FRMD5: variants seen among roughly 807,000 people sequenced by gnomAD.
FRMD5 encodes the protein FERM domain containing 5, also known as FERM domain-containing protein 5.
In FRMD5, 20 loss-of-function variants were observed where a neutral mutation model predicts 69.0. The observed-to-expected ratio is 0.29, with a 90% confidence interval of 0.20 to 0.42. The LOEUF (loss-of-function observed/expected upper bound fraction) is 0.42. FRMD5 is among the 10% of genes least tolerant of loss of function. The pLI, the probability that FRMD5 is intolerant of heterozygous loss-of-function variation, is 1.00. For synonymous variants in FRMD5, 271 were observed against 260.1 expected, an observed-to-expected ratio of 1.04 and a Z score of -0.40; for missense variants, 595 against 708.6, an observed-to-expected ratio of 0.84 and a Z score of 1.82.
chr15:43,997,035 A>T (rs1889965082), intron 1 of FRMD5, among the ~76,000 whole-genome samples: 1 of 152,180 alleles, frequency 6.6e-6, no homozygotes, highest in Non-Finnish European at 1.5e-5. Context: ...AGAATGTACA[A>T]ACACAAATAT....
chr15:44,017,009 ATCTGCCCACCTCAGCC>A (rs1422668806), intron 1 of FRMD5, among the ~76,000 whole-genome samples: 1 of 152,018 alleles, frequency 6.6e-6, no homozygotes, highest in East Asian at 2.0e-4. Context: ...GGCTCAAGTG[ATCTGCCCACCTCAGCC>A]TCCCAAAGTG....
chr15:44,047,025 G>A (rs933668633), intron 1 of FRMD5, among the ~76,000 whole-genome samples: 3 of 152,170 alleles, frequency 2.0e-5, no homozygotes, highest in Non-Finnish European at 4.4e-5. Flanking sequence ...AAAAAACTAA[G>A]GCCAGGCGCA....
chr15:44,138,134 G>A (rs1820485), intron 1 of FRMD5, among the ~76,000 whole-genome samples: 124,638 of 152,096 alleles, frequency 0.82, 53,596 homozygotes, highest in Non-Finnish European at 0.94. Flanking sequence ...AAGCTTTCAA[G>A]CCAAAATTCC....
intron 13 of FRMD5, among the ~76,000 whole-genome samples, chr15:43,876,541 A>G (rs2088361916): frequency 6.6e-6 from 1 of 152,198 alleles, no homozygotes; most frequent in South Asian, 2.1e-4. Flanking sequence ...AGAGGTAGGA[A>G]TGGGGAGAAG....
chr15:44,084,520 T>A (rs1288905928), intron 1 of FRMD5, among the ~76,000 whole-genome samples: 1 of 152,120 alleles, frequency 6.6e-6, no homozygotes, highest in Non-Finnish European at 1.5e-5. Flanking sequence ...CAGATATAAA[T>A]GTTGATATAA....
At chr15:43,882,211 C>T (rs2088547275) in intron 13 of FRMD5, among the ~76,000 whole-genome samples, 1 of 152,180 alleles carries the variant, frequency 6.6e-6, no homozygotes, top group Admixed American at 6.5e-5. Flanking sequence ...TTGGCCTCAG[C>T]TATTGGGGTA....
intron 1 of FRMD5, among the ~76,000 whole-genome samples, chr15:43,937,535 G>A (rs2089781737): frequency 6.6e-6 from 1 of 151,946 alleles, no homozygotes; most frequent in African/African-American, 2.4e-5. Flanking sequence ...CTACTAGGGA[G>A]GCTGAGGCAG....
rs946859186 is a variant in FRMD5, at chr15:44,162,059, G to A, written c.102+32894C>T. On this transcript the variant is annotated intron_variant, in intron 1 of 13. Coordinates refer to ENST00000417257, the MANE Select transcript of FRMD5 (RefSeq NM_032892.5). The stretch of plus-strand genomic sequence containing the variant: ...GGCTCACTGCAACCTCCACTTCCCA[G>A]GTTCAAGCGATTCTCCTGCCTCAGC... 2.0e-5 allele frequency among the ~76,000 whole-genome samples: 3 copies of A among 152,082 alleles called. 1 individual carries two copies. In the South Asian group the frequency reaches 6.2e-4, roughly 32 times the overall value.
At chr15:44,055,741 C>A (rs1436497045) in intron 1 of FRMD5, among the ~76,000 whole-genome samples, 1 of 152,174 alleles carries the variant, frequency 6.6e-6, no homozygotes, top group East Asian at 1.9e-4. Context: ...GGCCTCAGTT[C>A]AAATCTTGGC....
intron 1 of FRMD5, among the ~76,000 whole-genome samples, chr15:44,074,204 T>C (rs187220892): frequency 6.6e-6 from 1 of 152,332 alleles, no homozygotes; most frequent in Admixed American, 6.5e-5. Context: ...GTGTTCAGAA[T>C]CATAGAAGCC....
At position 44,195,015 on chromosome 15, in the gene FRMD5, C is replaced by T. The variant is rs1307717602; in HGVS notation, c.40G>A (p.Glu14Lys). 1.3e-6 allele frequency: 2 copies of T among 1,559,334 alleles called. No homozygotes were observed. The highest frequency in any genetic ancestry group is 2.3e-5 in the South Asian group (2 of 85,538). ...RLMSGSSRSL[E>K]REYSCTVRLL... is the part of the protein sequence containing the mutation. Reference sequence around the variant, plus strand: ...CGCACGGTGCAGCTGTACTCGCGCTCCAGGCTCCTGCTGCTGCCGCTCATC... The same window carrying T: ...CGCACGGTGCAGCTGTACTCGCGCTTCAGGCTCCTGCTGCTGCCGCTCATC... The change falls in exon 1 of 14, where the codon GAG becomes AAG. Residue 14 changes from glutamate (E) to lysine (K), a missense_variant. Physicochemically the swap from Glu to Lys is moderately conservative, Grantham distance 56. Around this residue, in one of 5 missense-constraint regions of FRMD5, gnomAD observed 44 missense variants for 33.6 expected, o/e 1.31. Transcript: ENST00000417257.
At chr15:44,009,498 G>T (rs1450950161) in intron 1 of FRMD5, among the ~76,000 whole-genome samples, 1 of 152,300 alleles carries the variant, frequency 6.6e-6, no homozygotes. Flanking sequence ...TGGGCAACAT[G>T]GAGAGACTCT....
chr15:44,149,239 A>G (rs904788301), intron 1 of FRMD5, among the ~76,000 whole-genome samples: 2 of 152,144 alleles, frequency 1.3e-5, no homozygotes, highest in African/African-American at 4.8e-5. Flanking sequence ...TGTAATCCCT[A>G]TAGTAACCAC....
chr15:43,883,913 T>C (rs757294873), intron 12 of FRMD5, 104 bp from the exon 13 acceptor site: 5 of 787,406 alleles, frequency 6.3e-6, no homozygotes, highest in Non-Finnish European at 1.1e-5. Context: ...CTATATTAAG[T>C]CTTGGTCTCT....
intron 1 of FRMD5, among the ~76,000 whole-genome samples, chr15:43,984,290 G>A (rs913600251): frequency 5.9e-5 from 9 of 152,148 alleles, no homozygotes; most frequent in Admixed American, 5.2e-4. Context: ...TTACAGAATA[G>A]TATATTCAAC....
chr15:44,004,977 A>C (rs1890371896), intron 1 of FRMD5, among the ~76,000 whole-genome samples: 1 of 152,230 alleles, frequency 6.6e-6, no homozygotes, highest in Admixed American at 6.5e-5. Flanking sequence ...TGATATGCAG[A>C]AAGTTTTAGT....
chr15:43,917,561 T>G (rs538441021), intron 4 of FRMD5, among the ~76,000 whole-genome samples: 1 of 152,260 alleles, frequency 6.6e-6, no homozygotes, highest in African/African-American at 2.4e-5. Context: ...ATTTTTGTAT[T>G]TTTAGTAGAG....
At chr15:43,948,908 C>T (rs1351849669) in intron 1 of FRMD5, among the ~76,000 whole-genome samples, 1 of 152,164 alleles carries the variant, frequency 6.6e-6, no homozygotes, top group African/African-American at 2.4e-5. Flanking sequence ...TGAAAATGAC[C>T]AAAATGTTCA....
At chr15:44,007,907 G>A (rs990676363) in intron 1 of FRMD5, among the ~76,000 whole-genome samples, 2 of 151,924 alleles carry the variant, frequency 1.3e-5, no homozygotes, top group Non-Finnish European at 2.9e-5. Flanking sequence ...GCCTCCCAAA[G>A]TACTGGGATC....
Sources: allele counts gnomAD v4.1 joint callset (sites outside exome capture counted in the v4.1 genomes callset), GRCh38; gene constraint gnomAD v4.1.1; regional missense constraint gnomAD v4.1.1; transcripts MANE v1.5; gene names NCBI Gene and HGNC (gene_info 2026-07-23, HGNC 2026-07-21).